SLC8A3: variants seen among roughly 807,000 people sequenced by gnomAD.
SLC8A3 encodes solute carrier family 8 member A3.
SLC8A3 carries 37 observed loss-of-function variants against 65.4 expected under a neutral mutation model. The ratio of observed to expected loss-of-function variants is 0.57; its 90% CI spans 0.44 to 0.74. The LOEUF (loss-of-function observed/expected upper bound fraction) is 0.74, where lower values mean the gene tolerates loss of function less well. Among genes scored for constraint, SLC8A3 ranks in the 30% least tolerant of loss-of-function variants. The probability of loss-of-function intolerance (pLI) is 0.00; values close to 1 mark genes in which losing one functional copy is unlikely to be tolerated. For synonymous variants in SLC8A3, 461 were observed against 444.5 expected (o/e 1.04, Z -0.47); for missense variants, 1,112 against 1,172.1 (o/e 0.95, Z 0.75).
At chr14:70,063,989 C>G (rs150956) in intron 2 of SLC8A3, 615,866 of 919,344 alleles carry the variant, frequency 0.67, 210,635 homozygotes, top group African/African-American at 0.94. Flanking sequence ...AGTCAGCCAG[C>G]AGACAAAAAC....
At chr14:70,126,547 T>TCTCTCTCTC (rs1894452674) in intron 2 of SLC8A3, among the ~76,000 whole-genome samples, 1 of 118,020 alleles carries the variant, frequency 8.5e-6, no homozygotes, top group Non-Finnish European at 1.8e-5. Flanking sequence ...AGAAAGAAAA[T>TCTCTCTCTC]TCTCTCTCTC....
intron 1 of SLC8A3, among the ~76,000 whole-genome samples, chr14:70,178,545 G>C (rs1015346867): frequency 6.6e-6 from 1 of 152,200 alleles, no homozygotes; most frequent in Non-Finnish European, 1.5e-5. Flanking sequence ...AAGAAAAAAT[G>C]CTAGCTAGAA....
Position 70,069,366 on chromosome 14 carries a change from T to A in SLC8A3, c.1785-8427A>T, listed in dbSNP as rs141793453. ...AGGCTGGGCTTCTGACTCTGTGACC[T>A]CTTCCTGTCTCATTCCTACTGAATG... On this transcript the variant is annotated intron_variant, in intron 2 of 6. Transcript: ENST00000356921. Among the ~76,000 whole-genome samples, 95 of 152,296 alleles carry A rather than the reference T, an allele frequency of 6.2e-4. 1 individual carries two copies. The highest frequency in any genetic ancestry group is 2.2e-3 in the African/African-American group (93 of 41,562).
chr14:70,090,032 C>G (rs1891702865), intron 2 of SLC8A3, among the ~76,000 whole-genome samples: 1 of 150,884 alleles, frequency 6.6e-6, no homozygotes, highest in African/African-American at 2.4e-5. Context: ...CTGTAACTAC[C>G]CTTTCTGTCT....
chr14:70,111,438 C>T (rs1893297839), intron 2 of SLC8A3, among the ~76,000 whole-genome samples: 1 of 152,160 alleles, frequency 6.6e-6, no homozygotes, highest in South Asian at 2.1e-4. Context: ...TCTTCAGGAT[C>T]AAGGGCCATG....
At position 70,069,931 on chromosome 14, in the gene SLC8A3, C is replaced by T. The variant is rs548950418; in HGVS notation, c.1785-8992G>A. On this transcript the variant is annotated intron_variant, in intron 2 of 6. Transcript: ENST00000356921. Reference sequence around the variant, plus strand: ...GCCTGCCTTTTTAACAAGGCCCCAGCGTGTGTGGATGCTACTGGTCCATGG... The same window carrying T: ...GCCTGCCTTTTTAACAAGGCCCCAGTGTGTGTGGATGCTACTGGTCCATGG... Among the ~76,000 whole-genome samples the T allele has an allele frequency of 3.3e-5, 5 of 152,170 alleles. 1 individual carries two copies. The South Asian group carries it at 6.2e-4, about 19-fold the overall frequency.
intron 1 of SLC8A3, among the ~76,000 whole-genome samples, chr14:70,181,390 G>T (rs181702567): frequency 6.6e-6 from 1 of 150,780 alleles, no homozygotes; most frequent in Non-Finnish European, 1.5e-5. Flanking sequence ...AACACCTACT[G>T]TATTTCAGGC....
At chr14:70,101,033 G>C (rs1243084860) in intron 2 of SLC8A3, among the ~76,000 whole-genome samples, 2 of 152,184 alleles carry the variant, frequency 1.3e-5, no homozygotes, top group East Asian at 3.8e-4. Flanking sequence ...AAAATGAGTA[G>C]ACGATCTAAA....
chr14:70,178,670 G>A (rs118182498), intron 1 of SLC8A3, among the ~76,000 whole-genome samples: 308 of 152,326 alleles, frequency 2.0e-3, no homozygotes, highest in Non-Finnish European at 3.7e-3. Context: ...AGTATTGGTC[G>A]AGTACTTACT....
chr14:70,169,694 G>C (rs1402786724), intron 1 of SLC8A3, among the ~76,000 whole-genome samples: 4 of 132,778 alleles, frequency 3.0e-5, no homozygotes, highest in African/African-American at 3.3e-5. Flanking sequence ...AAAAAAGTGG[G>C]GGGGGGGGCG....
Position 70,112,766 on chromosome 14 carries a change from G to A in SLC8A3, c.1785-51827C>T, listed in dbSNP as rs115202625. 5.8e-3 allele frequency among the ~76,000 whole-genome samples: 880 copies of A among 152,262 alleles called. 9 individuals are homozygous for A. The highest frequency in any genetic ancestry group is 0.02 in the African/African-American group (830 of 41,556). On this transcript the variant is annotated intron_variant, in intron 2 of 6. Coordinates refer to ENST00000356921, the MANE Select transcript of SLC8A3 (RefSeq NM_182932.3). ...TCCTGTCTCTGAAGGCCCCAGAAGAGGATGCTTCCTTGCTTCTTCCTAGCT... is the reference window on the plus strand; with the variant it reads ...TCCTGTCTCTGAAGGCCCCAGAAGAAGATGCTTCCTTGCTTCTTCCTAGCT...
At chr14:70,066,050 G>T (rs1403127209) in intron 2 of SLC8A3, among the ~76,000 whole-genome samples, 1 of 152,206 alleles carries the variant, frequency 6.6e-6, no homozygotes, top group African/African-American at 2.4e-5. Flanking sequence ...TGACATCTTA[G>T]GTGGGGACAA....
At chr14:70,188,976 C>T (rs546996163), upstream of SLC8A3, 1 of 152,328 alleles carries the variant, frequency 6.6e-6, no homozygotes, top group African/African-American at 2.4e-5. Context: ...GAGCGGAGAG[C>T]TTTGCCCATT....
intron 2 of SLC8A3, among the ~76,000 whole-genome samples, chr14:70,105,186 G>A (rs866421959): frequency 1.3e-5 from 2 of 151,946 alleles, no homozygotes; most frequent in Admixed American, 6.6e-5. Context: ...AAAATTAGCC[G>A]GGCATGGTGG....
intron 2 of SLC8A3, among the ~76,000 whole-genome samples, chr14:70,160,583 A>G (rs1390575452): frequency 6.6e-6 from 1 of 152,136 alleles, no homozygotes. Flanking sequence ...TTGAGGAATT[A>G]TTATTCTGGA....
intron 2 of SLC8A3, among the ~76,000 whole-genome samples, chr14:70,110,321 A>AAACCCC (rs1893195020): frequency 1.4e-5 from 1 of 71,708 alleles, no homozygotes; most frequent in Non-Finnish European, 3.0e-5. Flanking sequence ...TAACCATCCC[A>AAACCCC]CCCTCCCCCT....
intron 2 of SLC8A3, among the ~76,000 whole-genome samples, chr14:70,144,045 C>T (rs1001715227): frequency 9.9e-5 from 15 of 152,078 alleles, no homozygotes; most frequent in Admixed American, 5.2e-4. Flanking sequence ...TTTCTGAGTC[C>T]GTCTCCTCCA....
chr14:70,082,869 G>C (rs527517637), intron 2 of SLC8A3, among the ~76,000 whole-genome samples: 1 of 152,156 alleles, frequency 6.6e-6, no homozygotes, highest in Non-Finnish European at 1.5e-5. Context: ...AATACTGATG[G>C]AAATGCTCTT....
chr14:70,163,683 C>T (rs1186308396), intron 2 of SLC8A3, among the ~76,000 whole-genome samples: 1 of 152,150 alleles, frequency 6.6e-6, no homozygotes, highest in East Asian at 1.9e-4. Flanking sequence ...TTCAATTAAG[C>T]AAGTTGTCTG....
Sources: gnomAD v4.1 joint callset for allele counts (sites outside exome capture counted in the v4.1 genomes callset) on GRCh38, gnomAD v4.1.1 for gene constraint, MANE v1.5 for transcripts, NCBI Gene and HGNC (gene_info 2026-07-23, HGNC 2026-07-21) for gene names.